GRIK3: variants seen among roughly 807,000 people sequenced by gnomAD.
GRIK3 encodes glutamate receptor ionotropic, kainate 3.
In GRIK3, 29 loss-of-function variants were observed where a neutral mutation model predicts 102.5. The observed-to-expected ratio is 0.28, with a 90% confidence interval of 0.21 to 0.39. The LOEUF (loss-of-function observed/expected upper bound fraction) is 0.39, where lower values mean the gene tolerates loss of function less well. GRIK3 is among the 10% of genes least tolerant of loss of function. The probability of loss-of-function intolerance (pLI) is 1.00; values close to 1 mark genes in which losing one functional copy is unlikely to be tolerated. For missense variants in GRIK3, 908 were observed against 1,252.4 expected, an observed-to-expected ratio of 0.73 and a Z score of 4.15; for synonymous variants, 511 against 504.9, an observed-to-expected ratio of 1.01 and a Z score of -0.16.
chr1:36,894,745 T>C (rs1465420037), intron 1 of GRIK3, among the ~76,000 whole-genome samples: 2 of 152,210 alleles, frequency 1.3e-5, no homozygotes, highest in African/African-American at 2.4e-5. Flanking sequence ...GACAAAAACC[T>C]CAGGGGAGGC....
At chr1:36,817,520 C>T (rs1267204505) in intron 12 of GRIK3, among the ~76,000 whole-genome samples, 1 of 152,184 alleles carries the variant, frequency 6.6e-6, no homozygotes, top group East Asian at 1.9e-4. Context: ...GGGTGGGAAC[C>T]AGCAATATGT....
intron 1 of GRIK3, among the ~76,000 whole-genome samples, chr1:36,966,878 T>C (rs2124353689): frequency 6.6e-6 from 1 of 152,274 alleles, no homozygotes; most frequent in African/African-American, 2.4e-5. Context: ...ATTCATTTAT[T>C]CACCAAGTAT....
At chr1:36,846,508 A>G (rs1417391907) in intron 9 of GRIK3, among the ~76,000 whole-genome samples, 1 of 152,156 alleles carries the variant, frequency 6.6e-6, no homozygotes, top group Non-Finnish European at 1.5e-5. Context: ...CTAGAGGCAG[A>G]GCAGTTTGAT....
chr1:37,032,953 C>T (rs1642843740), intron 1 of GRIK3, among the ~76,000 whole-genome samples: 2 of 152,166 alleles, frequency 1.3e-5, no homozygotes, highest in African/African-American at 4.8e-5. Context: ...GGCCCTGGCT[C>T]GGCGGAGTCC....
At chr1:36,911,902 G>A (rs1351220095) in intron 1 of GRIK3, among the ~76,000 whole-genome samples, 1 of 152,042 alleles carries the variant, frequency 6.6e-6, no homozygotes, top group Non-Finnish European at 1.5e-5. Context: ...ACACTGGCGG[G>A]GCTGTCCCAC....
intron 1 of GRIK3, among the ~76,000 whole-genome samples, chr1:36,936,081 T>C (rs550511678): frequency 6.6e-6 from 1 of 152,132 alleles, no homozygotes; most frequent in South Asian, 2.1e-4. Context: ...CAGGGGGAGA[T>C]AAATAACGCA....
intron 1 of GRIK3, among the ~76,000 whole-genome samples, chr1:37,000,145 A>G (rs1379009204): frequency 2.6e-5 from 4 of 152,298 alleles, no homozygotes; most frequent in East Asian, 3.9e-4. Flanking sequence ...TAATGCCTGG[A>G]AAGTACTGGT....
chr1:36,991,464 C>T (rs2124004009), intron 1 of GRIK3, among the ~76,000 whole-genome samples: 1 of 152,292 alleles, frequency 6.6e-6, no homozygotes, highest in Non-Finnish European at 1.5e-5. Flanking sequence ...CCCAGCCTCC[C>T]TAGCACCCCA....
At chr1:36,991,223 A>G (rs552152429) in intron 1 of GRIK3, among the ~76,000 whole-genome samples, 1 of 152,236 alleles carries the variant, frequency 6.6e-6, no homozygotes, top group African/African-American at 2.4e-5. Context: ...TGAGGCATCT[A>G]GAACGGTGTA....
At chr1:36,884,727 G>A (rs1376464275) in intron 2 of GRIK3, among the ~76,000 whole-genome samples, 1 of 152,064 alleles carries the variant, frequency 6.6e-6, no homozygotes, top group Non-Finnish European at 1.5e-5. Context: ...CTTTTTCCTG[G>A]AACACCTTCA....
chr1:36,846,368 G>C (rs1640519432), intron 9 of GRIK3, among the ~76,000 whole-genome samples: 1 of 152,194 alleles, frequency 6.6e-6, no homozygotes. Context: ...GTTTAGGAGA[G>C]GGGAGAATAG....
In GRIK3 at chr1:36,963,538, C is replaced by A. The variant is rs1466724973; in HGVS notation, c.115+70456G>T. Among the ~76,000 whole-genome samples, 3 of 152,176 alleles carry A rather than the reference C, an allele frequency of 2.0e-5. No individual in the cohort carries two copies. In the East Asian group the frequency reaches 5.8e-4, roughly 29 times the overall value. The stretch of plus-strand genomic sequence containing the variant: ...CCTCACAACCACTCTGAGCCGCATG[C>A]CATTACTCGCTCCCTTTGAACATCT... On this transcript the variant is annotated intron_variant, in intron 1 of 15. Transcript: ENST00000373091.
intron 5 of GRIK3, 84 bp from the exon 6 acceptor site, chr1:36,860,101 G>T (rs1295693141): frequency 9.2e-7 from 1 of 1,087,430 alleles, no homozygotes; most frequent in Non-Finnish European, 1.3e-6. Context: ...CCCTAATCAG[G>T]GCCGCCCCAG....
At chr1:36,922,790 C>T (rs1323718845) in intron 1 of GRIK3, among the ~76,000 whole-genome samples, 3 of 152,114 alleles carry the variant, frequency 2.0e-5, no homozygotes, top group Non-Finnish European at 2.9e-5. Context: ...CTGTCTGCTG[C>T]GACTCCCTTC....
intron 11 of GRIK3, among the ~76,000 whole-genome samples, chr1:36,820,606 A>G (rs1469773300): frequency 2.0e-5 from 3 of 152,224 alleles, no homozygotes; most frequent in African/African-American, 7.2e-5. Context: ...TAAATTTTTA[A>G]AAGTGAGAAC....
chr1:36,812,674 C>G (rs972487994), intron 13 of GRIK3, among the ~76,000 whole-genome samples: 4 of 151,994 alleles, frequency 2.6e-5, no homozygotes, highest in Admixed American at 2.0e-4. Context: ...GGCGAGGGAT[C>G]GAGAGCCCCC....
intron 5 of GRIK3, among the ~76,000 whole-genome samples, chr1:36,864,019 G>A (rs190737400): frequency 6.6e-6 from 1 of 152,274 alleles, no homozygotes; most frequent in African/African-American, 2.4e-5. Flanking sequence ...TTATTTTAAT[G>A]GCACCAACCC....
rs1642374404 is a variant in GRIK3, at chr1:36,797,183, TC to T, written c.*4667del. On this transcript the variant is annotated 3_prime_UTR_variant, in exon 16 of 16. Transcript: ENST00000373091. Reference sequence around the variant, plus strand: ...TTGCTGCTGCAGCCCCCATCTCTCATCTGGTCCTCACCCGTGCTGGCTGGGT... The same window carrying T: ...TTGCTGCTGCAGCCCCCATCTCTCATTGGTCCTCACCCGTGCTGGCTGGGT... 6.6e-6 allele frequency: 1 copy of T among 152,070 alleles called. No homozygotes were observed. The highest frequency in any genetic ancestry group is 1.5e-5 in the Non-Finnish European group (1 of 68,044). 9.4% of individuals were successfully genotyped at this position (152,070 alleles called of 1,614,324 possible). A position where few individuals can be genotyped will look rare whatever the true frequency, so the allele number is the denominator to read the frequency against.
intron 10 of GRIK3, among the ~76,000 whole-genome samples, chr1:36,830,501 T>C (rs1203341760): frequency 6.6e-6 from 1 of 151,924 alleles, no homozygotes; most frequent in Admixed American, 6.6e-5. Flanking sequence ...CAACGACTGG[T>C]GTCCGTATAA....
Sources: gnomAD v4.1 joint callset for allele counts (sites outside exome capture counted in the v4.1 genomes callset) on GRCh38, gnomAD v4.1.1 for gene constraint, MANE v1.5 for transcripts, NCBI Gene and HGNC (gene_info 2026-07-23, HGNC 2026-07-21) for gene names.